GALNT2: variants seen among roughly 807,000 people sequenced by gnomAD.
GALNT2 encodes polypeptide N-acetylgalactosaminyltransferase 2.
In GALNT2, 31 loss-of-function variants were observed where a neutral mutation model predicts 81.4. The ratio of observed to expected loss-of-function variants is 0.38; its 90% CI spans 0.29 to 0.51. The LOEUF is 0.51. GALNT2 is among the 20% of genes least tolerant of loss of function. The pLI is 0.87. For synonymous variants in GALNT2, 303 were observed against 287.4 expected (o/e 1.05, Z -0.55); for missense variants, 629 against 765.7 (o/e 0.82, Z 2.11).
intron 10 of GALNT2, among the ~76,000 whole-genome samples, chr1:230,251,095 T>C (rs1191629082): frequency 6.6e-6 from 1 of 152,210 alleles, no homozygotes; most frequent in Non-Finnish European, 1.5e-5. Flanking sequence ...TACCCAGGTT[T>C]AGGCACAGCA....
At chr1:230,236,600 G>T in intron 5 of GALNT2, 60 bp from the exon 6 acceptor site, 1 of 1,536,566 alleles carries the variant, frequency 6.5e-7, no homozygotes, top group South Asian at 1.2e-5. Context: ...TACTATGGTT[G>T]AATGCAAAGC....
At chr1:230,222,724 C>T (rs780235077) in intron 3 of GALNT2, among the ~76,000 whole-genome samples, 25 of 152,112 alleles carry the variant, frequency 1.6e-4, no homozygotes, top group Non-Finnish European at 3.2e-4. Flanking sequence ...TGAGATGTAG[C>T]TACCTTTAAT....
intron 1 of GALNT2, among the ~76,000 whole-genome samples, chr1:230,112,800 T>TGGGGGGGG (rs200649766): frequency 3.0e-4 from 23 of 76,124 alleles, no homozygotes; most frequent in Admixed American, 5.0e-4. Flanking sequence ...GGCAGGGGGG[T>TGGGGGGGG]GGGGGGGACC....
At chr1:230,095,497 G>A (rs1660228254) in intron 1 of GALNT2, among the ~76,000 whole-genome samples, 1 of 152,170 alleles carries the variant, frequency 6.6e-6, no homozygotes. Context: ...ATCCCAGTGT[G>A]CTGCTCTGTG....
intron 1 of GALNT2, among the ~76,000 whole-genome samples, chr1:230,077,929 A>G (rs950211086): frequency 1.3e-5 from 2 of 152,106 alleles, no homozygotes; most frequent in African/African-American, 4.8e-5. Flanking sequence ...TGCTTGCTTC[A>G]TTGTCGTTTC....
At chr1:230,116,002 A>G (rs1660833458) in intron 1 of GALNT2, among the ~76,000 whole-genome samples, 2 of 152,178 alleles carry the variant, frequency 1.3e-5, no homozygotes, top group African/African-American at 2.4e-5. Context: ...TTCCACCACA[A>G]CTGCAGTTCC....
chr1:230,218,815 G>A (rs565934668), intron 3 of GALNT2, among the ~76,000 whole-genome samples: 5 of 152,306 alleles, frequency 3.3e-5, no homozygotes, highest in South Asian at 2.1e-4. Flanking sequence ...CCCCTAAGCC[G>A]TGGACCAGTG....
At position 230,279,780 on chromosome 1, in the gene GALNT2, G is replaced by GT. The variant is rs1297581715; in HGVS notation, c.*323dup. On this transcript the variant is annotated 3_prime_UTR_variant, in exon 16 of 16. Coordinates refer to ENST00000366672, the MANE Select transcript of GALNT2 (RefSeq NM_004481.5). This position sits in a 1 kb window ranked among gnomAD's most constrained non-coding sequence, Gnocchi z 4.6. ...CCCAGCGACAACCGACTGGGGAGTG[G>GT]TAGAAGCAACTGAACGGATGCGTGC... The GT allele has an allele frequency of 6.6e-5, 33 of 503,800 alleles. No individual in the cohort carries two copies. In the East Asian group the frequency reaches 1.6e-3, roughly 25 times the overall value. 31.2% of individuals were successfully genotyped at this position (503,800 alleles called of 1,614,324 possible). A position where few individuals can be genotyped will look rare whatever the true frequency, so the allele number is the denominator to read the frequency against.
chr1:230,172,268 A>T (rs947249759), intron 1 of GALNT2, among the ~76,000 whole-genome samples: 1 of 152,092 alleles, frequency 6.6e-6, no homozygotes, highest in African/African-American at 2.4e-5. Flanking sequence ...TTGGGAGGAC[A>T]CTTAAGCAGC....
In GALNT2 at chr1:230,067,295, G is replaced by T. The variant is rs1659222774; in HGVS notation, c.15G>T (p.Ser5=). The T allele has an allele frequency of 7.3e-7, 1 of 1,362,762 alleles. No individual in the cohort carries two copies. The highest frequency in any genetic ancestry group is 1.5e-5 in the African/African-American group (1 of 65,580). 84.4% of individuals were successfully genotyped at this position (1,362,762 alleles called of 1,614,324 possible). A position where few individuals can be genotyped will look rare whatever the true frequency, so the allele number is the denominator to read the frequency against. ...GAGTTGGGAGAATGCGGCGGCGCTCGCGGATGCTGCTCTGCTTCGCCTTCC... is the reference window on the plus strand; with the variant it reads ...GAGTTGGGAGAATGCGGCGGCGCTCTCGGATGCTGCTCTGCTTCGCCTTCC... MRRR[S]RMLLCFAFLW... The change falls in exon 1 of 16, where the codon TCG becomes TCT. Residue 5 remains serine, a synonymous_variant. Coordinates refer to ENST00000366672, the MANE Select transcript of GALNT2 (RefSeq NM_004481.5).
In GALNT2 at chr1:230,145,358, G is replaced by A. The variant is rs138591418; in HGVS notation, c.127-32860G>A. Among the ~76,000 whole-genome samples the A allele has an allele frequency of 4.4e-3, 676 of 152,314 alleles. 3 individuals carry two copies. Among genetic ancestry groups the A allele is most frequent in the Non-Finnish European group, 8.0e-3 (544 of 68,024 alleles). ...GGCCAGGCCTCAGACTCTGGCAGTCGGGCCTGGGCCTTCTGAGGGGGTTTG... is the reference window on the plus strand; with the variant it reads ...GGCCAGGCCTCAGACTCTGGCAGTCAGGCCTGGGCCTTCTGAGGGGGTTTG... On this transcript the variant is annotated intron_variant, in intron 1 of 15. Transcript: ENST00000366672.
intron 1 of GALNT2, among the ~76,000 whole-genome samples, chr1:230,114,661 A>C (rs937939612): frequency 6.6e-6 from 1 of 152,142 alleles, no homozygotes; most frequent in East Asian, 1.9e-4. Context: ...GAAATGATGC[A>C]GCTGACCCAG....
intron 15 of GALNT2, among the ~76,000 whole-genome samples, chr1:230,277,700 C>T (rs538962657): frequency 3.3e-5 from 5 of 152,316 alleles, no homozygotes; most frequent in South Asian, 2.1e-4. Context: ...TGTGGTGTTT[C>T]GCGCAGGTCG....
At chr1:230,077,575 G>A (rs758291267) in intron 1 of GALNT2, among the ~76,000 whole-genome samples, 1 of 151,968 alleles carries the variant, frequency 6.6e-6, no homozygotes, top group African/African-American at 2.4e-5. Context: ...TATCACTCTC[G>A]GGCATAGATA....
At chr1:230,248,417 C>A (rs1358229998) in intron 8 of GALNT2, among the ~76,000 whole-genome samples, 1 of 152,170 alleles carries the variant, frequency 6.6e-6, no homozygotes, top group Non-Finnish European at 1.5e-5. Context: ...CCTGATGCAC[C>A]AGGACAGCTT....
chr1:230,112,502 T>C (rs1354609739), intron 1 of GALNT2, among the ~76,000 whole-genome samples: 1 of 152,062 alleles, frequency 6.6e-6, no homozygotes, highest in African/African-American at 2.4e-5. Context: ...ACACAGCTGG[T>C]CTGAATGGGC....
intron 1 of GALNT2, among the ~76,000 whole-genome samples, chr1:230,106,873 C>T (rs1322535220): frequency 2.6e-5 from 4 of 152,086 alleles, no homozygotes; most frequent in Admixed American, 1.3e-4. Flanking sequence ...TTATATGCAC[C>T]GTGTCATTAA....
chr1:230,239,473 A>C (rs1043240169), intron 6 of GALNT2, among the ~76,000 whole-genome samples: 1 of 152,194 alleles, frequency 6.6e-6, no homozygotes, highest in African/African-American at 2.4e-5. Context: ...AATAGTCCCA[A>C]AGCTGAAGAA....
At chr1:230,091,961 T>C (rs191303160) in intron 1 of GALNT2, 46 of 152,350 alleles carry the variant, frequency 3.0e-4, no homozygotes, top group African/African-American at 1.1e-3. Flanking sequence ...AATTTTCCTT[T>C]TTCTACCCAG....
Sources: gnomAD v4.1 joint callset for allele counts (sites outside exome capture counted in the v4.1 genomes callset) on GRCh38, gnomAD v4.1.1 for gene constraint, Gnocchi (gnomAD v3.1) non-coding constraint, MANE v1.5 for transcripts, NCBI Gene and HGNC (gene_info 2026-07-23, HGNC 2026-07-21) for gene names.